The following PDZD8 variants were observed in gnomAD, a reference collection of about 807,000 sequenced individuals.
PDZD8 encodes PDZ domain-containing protein 8.
PDZD8 carries 14 observed loss-of-function variants against 85.8 expected under a neutral mutation model. The ratio of observed to expected loss-of-function variants is 0.16; its 90% CI spans 0.11 to 0.26. PDZD8 has a LOEUF of 0.26. Ranked by LOEUF, PDZD8 falls within the 10% of genes least tolerant of loss-of-function variation. PDZD8 has a pLI of 1.00. For synonymous variants in PDZD8, 592 were observed against 568.6 expected (o/e 1.04, Z -0.59); for missense variants, 1,197 against 1,424.3 (o/e 0.84, Z 2.57).
intron 2 of PDZD8, among the ~76,000 whole-genome samples, chr10:117,329,088 CA>C (rs1844370895): frequency 6.6e-6 from 1 of 152,162 alleles, no homozygotes; most frequent in African/African-American, 2.4e-5. Flanking sequence ...CAATCTTAAA[CA>C]AAGACAGGCT....
At chr10:117,323,439 A>C (rs543983171) in intron 2 of PDZD8, among the ~76,000 whole-genome samples, 1 of 152,318 alleles carries the variant, frequency 6.6e-6, no homozygotes, top group Admixed American at 6.5e-5. Context: ...AAAAGCAGTT[A>C]AACAGCTTTT....
Position 117,333,128 on chromosome 10 carries a change from A to AAAAAAAAC in PDZD8, c.995+7851_995+7852insGTTTTTTT, listed in dbSNP as rs1564703001. 3.7e-4 allele frequency among the ~76,000 whole-genome samples: 53 copies of AAAAAAAAC among 142,826 alleles called. 1 individual carries two copies. The South Asian group carries it at 5.5e-3, about 15-fold the overall frequency. 93.7% of individuals were successfully genotyped at this position (142,826 alleles called of 152,430 possible). On this transcript the variant is annotated intron_variant, in intron 2 of 4. Coordinates refer to ENST00000334464, the MANE Select transcript of PDZD8 (RefSeq NM_173791.5). ...AGTGGACTCTGTCTCAAAAAAAAAAAAAAAAAAAAAAAAAAGGGGATATGG... is the reference window on the plus strand; with the variant it reads ...AGTGGACTCTGTCTCAAAAAAAAAAAAAAAAAACAAAAAAAAAAAAAAAGGGGATATGG...
chr10:117,351,544 G>C (rs1844805606), intron 1 of PDZD8, among the ~76,000 whole-genome samples: 1 of 152,128 alleles, frequency 6.6e-6, no homozygotes, highest in Non-Finnish European at 1.5e-5. Flanking sequence ...GAGCTTCTTG[G>C]TTGCTGGTAA....
Position 117,374,953 on chromosome 10 carries a change from C to T in PDZD8, c.275G>A (p.Arg92Gln), listed in dbSNP as rs762704291. 34 of 1,610,684 alleles carry T rather than the reference C, an allele frequency of 2.1e-5. No homozygotes were observed. Among genetic ancestry groups the T allele is most frequent in the Non-Finnish European group, 2.7e-5 (32 of 1,178,948 alleles). ...GGCGTTGAGGAAGTAGCAAGTCTCC[C>T]GCGTCGGCGGGGCGGGGGTCTCGGG... The part of the protein sequence containing the change: ...AAPETPAPPT[R>Q]ETCYFLNATI... The change falls in exon 1 of 5, where the codon CGG becomes CAG. Residue 92 changes from arginine to glutamine, a missense_variant. Physicochemically the swap from Arg to Gln is conservative, Grantham distance 43. Transcript: ENST00000334464. The surrounding 1 kb of genome is among the most constrained non-coding windows in gnomAD (Gnocchi z 7.8).
rs57037106 is a variant in PDZD8 at position 117,305,471 on chromosome 10, T to TACACACACAC, written c.1098+13391_1098+13400dup. ...ACACACACACATATATACACACACA[T>TACACACACAC]ACACACACACACACACACACACACA... On this transcript the variant is annotated intron_variant, in intron 3 of 4. Coordinates refer to ENST00000334464, the MANE Select transcript of PDZD8 (RefSeq NM_173791.5). Among the ~76,000 whole-genome samples the TACACACACAC allele has an allele frequency of 4.7e-3, 660 of 141,788 alleles. 4 individuals carry two copies. Among genetic ancestry groups the TACACACACAC allele is most frequent in the East Asian group, 0.019 (90 of 4,738 alleles). 93.0% of individuals were successfully genotyped at this position (141,788 alleles called of 152,430 possible).
chr10:117,343,067 T>A (rs1712780611), intron 1 of PDZD8, among the ~76,000 whole-genome samples: 1 of 59,624 alleles, frequency 1.7e-5, no homozygotes, highest in South Asian at 4.8e-4. Context: ...ATTCTCTGCA[T>A]CCATCATCCA....
Position 117,278,141 on chromosome 10 carries a change from A to C in PDZD8, c.*5127T>G, listed in dbSNP as rs1210959299. Reference sequence around the variant, plus strand: ...TCGCCATCTACTTCAAGTTTTAGAAAAGGAAACAAGAAGCTGAAAACAGCT... The same window carrying C: ...TCGCCATCTACTTCAAGTTTTAGAACAGGAAACAAGAAGCTGAAAACAGCT... On this transcript the variant is annotated 3_prime_UTR_variant, in exon 5 of 5. Coordinates refer to ENST00000334464, the MANE Select transcript of PDZD8 (RefSeq NM_173791.5). 2.6e-5 allele frequency: 4 copies of C among 152,338 alleles called. No homozygotes were observed. In the East Asian group the frequency reaches 7.7e-4, roughly 29 times the overall value. 9.4% of individuals were successfully genotyped at this position (152,338 alleles called of 1,614,324 possible). A position where few individuals can be genotyped will look rare whatever the true frequency, so the allele number is the denominator to read the frequency against.
intron 2 of PDZD8, among the ~76,000 whole-genome samples, chr10:117,335,988 C>G (rs898682355): frequency 1.3e-5 from 2 of 152,186 alleles, no homozygotes; most frequent in Admixed American, 1.3e-4. Flanking sequence ...TTTGCACATT[C>G]TTTATCCAAA....
chr10:117,366,504 T>G (rs989903075), intron 1 of PDZD8, among the ~76,000 whole-genome samples: 2 of 151,984 alleles, frequency 1.3e-5, no homozygotes, highest in African/African-American at 4.8e-5. Context: ...TCAGTGAATC[T>G]TTTCTGTAAA....
In PDZD8 at chr10:117,329,839, G is replaced by A. The variant is rs547269919; in HGVS notation, c.996-10865C>T. 1.1e-4 allele frequency among the ~76,000 whole-genome samples: 16 copies of A among 151,178 alleles called. No homozygotes were observed. The East Asian group carries it at 2.3e-3, about 22-fold the overall frequency. On this transcript the variant is annotated intron_variant, in intron 2 of 4. Coordinates refer to ENST00000334464, the MANE Select transcript of PDZD8 (RefSeq NM_173791.5). ...TGTATGCCTGTAGTCCTAGCTACTC[G>A]GGAGGCTGAAGTGGGAGGATTGCTT...
chr10:117,321,142 G>A (rs1168215806), intron 2 of PDZD8, among the ~76,000 whole-genome samples: 1 of 152,112 alleles, frequency 6.6e-6, no homozygotes, highest in Admixed American at 6.6e-5. Context: ...TTCACTCCTA[G>A]GTGTGTAAGC....
At chr10:117,365,527 T>C (rs1354472364) in intron 1 of PDZD8, among the ~76,000 whole-genome samples, 1 of 152,212 alleles carries the variant, frequency 6.6e-6, no homozygotes, top group Non-Finnish European at 1.5e-5. Context: ...ATTTTTAAAG[T>C]GAGTTTGTCG....
intron 3 of PDZD8, among the ~76,000 whole-genome samples, chr10:117,312,176 C>G (rs1844050012): frequency 6.6e-6 from 1 of 151,928 alleles, no homozygotes; most frequent in African/African-American, 2.4e-5. Flanking sequence ...ATGGGTTAAC[C>G]AAGGTTTGTA....
chr10:117,364,080 T>C (rs1264981220), intron 1 of PDZD8, among the ~76,000 whole-genome samples: 1 of 152,134 alleles, frequency 6.6e-6, no homozygotes, highest in East Asian at 1.9e-4. Context: ...ATTTTGTTTG[T>C]GTGTGGGAAT....
At chr10:117,319,370 A>C (rs1164665517) in intron 2 of PDZD8, among the ~76,000 whole-genome samples, 4 of 149,620 alleles carry the variant, frequency 2.7e-5, no homozygotes, top group Non-Finnish European at 4.4e-5. Context: ...ACACACACTA[A>C]AGTGCAATAT....
At chr10:117,373,720 C>G (rs557235501) in intron 1 of PDZD8, among the ~76,000 whole-genome samples, 11 of 151,632 alleles carry the variant, frequency 7.3e-5, no homozygotes, top group South Asian at 4.2e-4. Flanking sequence ...GCAGAGGTTG[C>G]AGTAAGCCGA....
chr10:117,375,236 C>A lies in PDZD8; in HGVS notation c.-9G>T. On this transcript the variant is annotated 5_prime_UTR_variant, in exon 1 of 5. Transcript: ENST00000334464. ...ATGAGCAGCAGCCCCATCCCGCCACCGCCTCCGCCCGGGCCCCTACTCCCG... is the reference window on the plus strand; with the variant it reads ...ATGAGCAGCAGCCCCATCCCGCCACAGCCTCCGCCCGGGCCCCTACTCCCG... 7 of 1,461,286 alleles carry A rather than the reference C, an allele frequency of 4.8e-6. No individual in the cohort carries two copies. Among genetic ancestry groups the A allele is most frequent in the Non-Finnish European group, 6.3e-6 (7 of 1,110,752 alleles). The allele number at this position is 1,461,286 out of a possible 1,614,324, so 90.5% of individuals were successfully genotyped here. A position where few individuals can be genotyped will look rare whatever the true frequency, so the allele number is the denominator to read the frequency against.
intron 1 of PDZD8, among the ~76,000 whole-genome samples, chr10:117,353,863 T>C (rs1300751750): frequency 1.3e-5 from 2 of 152,186 alleles, no homozygotes; most frequent in African/African-American, 2.4e-5. Context: ...ACTAAAACAA[T>C]GTGGTTTCTG....
At position 117,285,303 on chromosome 10, in the gene PDZD8, C is replaced by A; in HGVS notation, c.1430G>T (p.Gly477Val). The A allele has an allele frequency of 6.2e-7, 1 of 1,614,138 alleles. No individual in the cohort carries two copies. The highest frequency in any genetic ancestry group is 1.1e-5 in the South Asian group (1 of 91,078). ...CAACCCGGCAGCTTCCTCTTCATAACCCGATTGGCATGAGCTTGACAAAAA... is the reference window on the plus strand; with the variant it reads ...CAACCCGGCAGCTTCCTCTTCATAAACCGATTGGCATGAGCTTGACAAAAA... ...ENFLSSSCQSGYEEEAAGLTV... is the reference protein window; with the variant it reads ...ENFLSSSCQSVYEEEAAGLTV... Residue 477 changes from glycine to valine, a missense_variant, in exon 5 of 5, where the codon GGT (glycine) becomes GTT (valine). This residue lies in a region of PDZD8 where 263 missense variants were observed against 261.9 expected (regional missense o/e 1.00). Transcript: ENST00000334464.
Sources: allele counts gnomAD v4.1 joint callset (sites outside exome capture counted in the v4.1 genomes callset), GRCh38; gene constraint gnomAD v4.1.1; regional missense constraint gnomAD v4.1.1; non-coding constraint Gnocchi (gnomAD v3.1); transcripts MANE v1.5; gene names NCBI Gene and HGNC (gene_info 2026-07-23, HGNC 2026-07-21).